The following INPP4B variants were observed in gnomAD, a reference collection of about 807,000 sequenced individuals.
INPP4B encodes the protein inositol polyphosphate 4-phosphatase type II.
In INPP4B, 55 loss-of-function variants were observed where a neutral mutation model predicts 122.5. The ratio of observed to expected loss-of-function variants is 0.45; its 90% CI spans 0.36 to 0.56. The LOEUF (loss-of-function observed/expected upper bound fraction) is 0.56, where lower values mean the gene tolerates loss of function less well. Ranked by LOEUF, INPP4B falls within the 20% of genes least tolerant of loss-of-function variation. INPP4B has a pLI of 0.00. For missense variants in INPP4B, 1,000 were observed against 1,097.7 expected (o/e 0.91, Z 1.26); for synonymous variants, 403 against 388.7 (o/e 1.04, Z -0.43).
intron 11 of INPP4B, among the ~76,000 whole-genome samples, chr4:142,245,015 A>G (rs935426676): frequency 1.3e-5 from 2 of 152,192 alleles, no homozygotes; most frequent in Non-Finnish European, 2.9e-5. Context: ...TGGGCCACAT[A>G]AATGTCTTCT....
intron 2 of INPP4B, among the ~76,000 whole-genome samples, chr4:142,596,951 G>T (rs1041007656): frequency 6.6e-6 from 1 of 152,210 alleles, no homozygotes; most frequent in Non-Finnish European, 1.5e-5. Context: ...TGTCATCTCA[G>T]TTACCCTCAA....
intron 23 of INPP4B, among the ~76,000 whole-genome samples, chr4:142,087,124 C>T (rs550049973): frequency 2.0e-4 from 30 of 152,158 alleles, no homozygotes; most frequent in Non-Finnish European, 4.0e-4. Context: ...GCATCCCTGG[C>T]CTCTACCATT....
intron 23 of INPP4B, among the ~76,000 whole-genome samples, chr4:142,102,003 A>C (rs1784668565): frequency 6.6e-6 from 1 of 152,008 alleles, no homozygotes; most frequent in Non-Finnish European, 1.5e-5. Flanking sequence ...ACTTAGAGTA[A>C]AGCTCCTCCT....
chr4:142,581,730 G>T (rs1735129886), intron 2 of INPP4B, among the ~76,000 whole-genome samples: 2 of 151,798 alleles, frequency 1.3e-5, no homozygotes, highest in South Asian at 4.2e-4. Context: ...ACCTGAAACA[G>T]AGCACCACAA....
intron 1 of INPP4B, among the ~76,000 whole-genome samples, chr4:142,838,886 T>C (rs1277128638): frequency 6.6e-6 from 1 of 152,208 alleles, no homozygotes; most frequent in East Asian, 1.9e-4. Context: ...ATTCCCCAGT[T>C]CTCAAACACA....
intron 16 of INPP4B, among the ~76,000 whole-genome samples, chr4:142,161,445 T>A (rs78559976): frequency 6.6e-6 from 1 of 151,976 alleles, no homozygotes; most frequent in Non-Finnish European, 1.5e-5. Flanking sequence ...TGGCCCATAT[T>A]GTTAACATAT....
chr4:142,116,362 C>T (rs539570343), intron 21 of INPP4B, among the ~76,000 whole-genome samples: 4 of 152,224 alleles, frequency 2.6e-5, no homozygotes, highest in African/African-American at 9.6e-5. Flanking sequence ...AATATACATT[C>T]TTCTCAGCAC....
intron 3 of INPP4B, among the ~76,000 whole-genome samples, chr4:142,458,244 T>C (rs1815910071): frequency 6.6e-6 from 1 of 152,142 alleles, no homozygotes; most frequent in Non-Finnish European, 1.5e-5. Context: ...GGCAGAATTA[T>C]AGGTATAGAA....
intron 7 of INPP4B, among the ~76,000 whole-genome samples, chr4:142,383,252 A>ATTCATC (rs1794831271): frequency 6.6e-6 from 1 of 152,166 alleles, no homozygotes; most frequent in Non-Finnish European, 1.5e-5. Context: ...TTAAAAAAAC[A>ATTCATC]TTCATCAGGT....
intron 1 of INPP4B, among the ~76,000 whole-genome samples, chr4:142,840,887 T>C (rs982838389): frequency 2.0e-5 from 3 of 152,050 alleles, no homozygotes; most frequent in Non-Finnish European, 2.9e-5. Context: ...CAATGACATA[T>C]ACCATAAAAT....
chr4:142,742,141 A>G (rs1171617933), intron 1 of INPP4B, among the ~76,000 whole-genome samples: 1 of 151,738 alleles, frequency 6.6e-6, no homozygotes, highest in Non-Finnish European at 1.5e-5. Flanking sequence ...ACCCACACTC[A>G]CCCTCCTATT....
chr4:142,125,573 C>A (rs1300011437), intron 18 of INPP4B, among the ~76,000 whole-genome samples: 1 of 152,056 alleles, frequency 6.6e-6, no homozygotes, highest in Non-Finnish European at 1.5e-5. Context: ...TCTCCTGGAA[C>A]ACTCTTTTTC....
rs1837384288 is a variant in INPP4B at position 142,194,599 on chromosome 4, T to G, written c.1073-1404A>C. 2.0e-5 allele frequency among the ~76,000 whole-genome samples: 3 copies of G among 152,298 alleles called. No homozygotes were observed. In the South Asian group the frequency reaches 6.2e-4, roughly 32 times the overall value. ...AAGCTAACTGCTTTGTCCATTTATC[T>G]GATAAGAAGGCTGAGGATCATTAGA... On this transcript the variant is annotated intron_variant, in intron 14 of 25. Transcript: ENST00000262992.
At chr4:142,479,869 C>T (rs1186237108) in intron 2 of INPP4B, among the ~76,000 whole-genome samples, 2 of 152,010 alleles carry the variant, frequency 1.3e-5, no homozygotes, top group Non-Finnish European at 2.9e-5. Context: ...ATGCTTATTA[C>T]CTGGTTGATG....
At chr4:142,321,308 G>A (rs1769929115) in intron 7 of INPP4B, among the ~76,000 whole-genome samples, 1 of 151,992 alleles carries the variant, frequency 6.6e-6, no homozygotes, top group Non-Finnish European at 1.5e-5. Context: ...CTTTTTGATG[G>A]AATTATTTGC....
intron 2 of INPP4B, among the ~76,000 whole-genome samples, chr4:142,506,612 T>C (rs558179010): frequency 6.6e-6 from 1 of 151,930 alleles, no homozygotes; most frequent in Admixed American, 6.6e-5. Context: ...TCCTGGAGTA[T>C]GAGGGAAAAG....
Position 142,650,541 on chromosome 4 carries a change from G to GT in INPP4B, c.-191+75297dup, listed in dbSNP as rs1477911538. ...AGGAAGATCTACCTTCAAATGGAAA[G>GT]TAAAAAAAAAAAAGGCAGGGGTTGC... On this transcript the variant is annotated intron_variant, in intron 2 of 25. Coordinates refer to ENST00000262992, the MANE Select transcript of INPP4B (RefSeq NM_001101669.3). 1.5e-4 allele frequency among the ~76,000 whole-genome samples: 22 copies of GT among 146,392 alleles called. No individual in the cohort carries two copies. The South Asian group carries it at 3.5e-3, about 23-fold the overall frequency.
intron 21 of INPP4B, among the ~76,000 whole-genome samples, chr4:142,120,279 G>A (rs72946978): frequency 0.13 from 19,070 of 151,976 alleles, 1,368 homozygotes; most frequent in East Asian, 0.23. Context: ...GAAAGTGTAA[G>A]TTTTTCCACT....
intron 2 of INPP4B, among the ~76,000 whole-genome samples, chr4:142,637,840 C>T (rs1327620481): frequency 3.9e-5 from 6 of 152,182 alleles, no homozygotes; most frequent in Admixed American, 1.3e-4. Context: ...CCTGTTGCTC[C>T]ATATGCTCAC....
Sources: allele counts gnomAD v4.1 joint callset (sites outside exome capture counted in the v4.1 genomes callset), GRCh38; gene constraint gnomAD v4.1.1; transcripts MANE v1.5; gene names NCBI Gene and HGNC (gene_info 2026-07-23, HGNC 2026-07-21).